The following STAM2 variants were observed in gnomAD, a reference collection of about 807,000 sequenced individuals.
STAM2 encodes signal transducing adaptor molecule 2.
In STAM2, 51 loss-of-function variants were observed where a neutral mutation model predicts 65.6. The ratio of observed to expected loss-of-function variants is 0.78; its 90% CI spans 0.62 to 0.98. STAM2 has a LOEUF of 0.98. STAM2 is among the 50% of genes least tolerant of loss of function. The probability of loss-of-function intolerance (pLI) is 0.00; values close to 1 mark genes in which losing one functional copy is unlikely to be tolerated. For missense variants in STAM2, 584 were observed against 617.8 expected (o/e 0.95, Z 0.58); for synonymous variants, 198 against 208.4 (o/e 0.95, Z 0.43).
At chr2:152,156,581 T>C (rs1322978456) in intron 1 of STAM2, among the ~76,000 whole-genome samples, 1 of 152,102 alleles carries the variant, frequency 6.6e-6, no homozygotes, top group Non-Finnish European at 1.5e-5. Context: ...TCACCAGGCT[T>C]TGATTACTGT....
At position 152,126,218 on chromosome 2, in the gene STAM2, A is replaced by G; in HGVS notation, c.1179+8T>C. The G allele has an allele frequency of 6.4e-7, 1 of 1,559,776 alleles. No individual in the cohort carries two copies. Among genetic ancestry groups the G allele is most frequent in the Non-Finnish European group, 8.6e-7 (1 of 1,157,892 alleles). On this transcript the variant is annotated splice_region_variant and intron_variant, in intron 12 of 13. Transcript: ENST00000263904. ...AATTTAGAAAATGTTCTCAAAAAACATGCTCACCTGCATTGGAACCCCAGA... is the reference window on the plus strand; with the variant it reads ...AATTTAGAAAATGTTCTCAAAAAACGTGCTCACCTGCATTGGAACCCCAGA...
At chr2:152,171,701 T>C (rs1689901427) in intron 1 of STAM2, among the ~76,000 whole-genome samples, 1 of 152,264 alleles carries the variant, frequency 6.6e-6, no homozygotes, top group Non-Finnish European at 1.5e-5. Context: ...TGTATTCTCT[T>C]AAAAGCTAAC....
At chr2:152,123,504 C>T (rs74936354) in intron 13 of STAM2, among the ~76,000 whole-genome samples, 3 of 152,130 alleles carry the variant, frequency 2.0e-5, no homozygotes, top group Non-Finnish European at 4.4e-5. Context: ...ACTTCACAGG[C>T]TGATTATAGC....
At chr2:152,167,691 C>T (rs973912812) in intron 1 of STAM2, among the ~76,000 whole-genome samples, 1 of 151,694 alleles carries the variant, frequency 6.6e-6, no homozygotes, top group African/African-American at 2.4e-5. Context: ...GGTCAGGAGT[C>T]CAAGACCAGC....
intron 1 of STAM2, among the ~76,000 whole-genome samples, chr2:152,169,317 C>A (rs1689857215): frequency 6.6e-6 from 1 of 152,134 alleles, no homozygotes; most frequent in Non-Finnish European, 1.5e-5. Context: ...GGCTCTGTCA[C>A]CCAGGCTGGA....
At chr2:152,150,552 C>CA (rs746118420) in intron 1 of STAM2, among the ~76,000 whole-genome samples, 8 of 152,194 alleles carry the variant, frequency 5.3e-5, no homozygotes, top group Admixed American at 1.3e-4. Context: ...CCTGTAATCC[C>CA]AGGCATGGGA....
At chr2:152,162,987 G>A (rs1689713012) in intron 1 of STAM2, among the ~76,000 whole-genome samples, 1 of 152,128 alleles carries the variant, frequency 6.6e-6, no homozygotes, top group Non-Finnish European at 1.5e-5. Flanking sequence ...ACTAGCACAA[G>A]GTTATACAGC....
At chr2:152,161,335 C>T (rs1456192647) in intron 1 of STAM2, among the ~76,000 whole-genome samples, 4 of 150,652 alleles carry the variant, frequency 2.7e-5, no homozygotes, top group African/African-American at 9.8e-5. Context: ...TCCCTAATCT[C>T]AAGTACCCAG....
rs1468280571 is a variant in STAM2 at position 152,120,511 on chromosome 2, T to C, written c.*63A>G. 8 of 1,403,000 alleles carry C rather than the reference T, an allele frequency of 5.7e-6. No individual in the cohort carries two copies. The highest frequency in any genetic ancestry group is 8.0e-6 in the Non-Finnish European group (8 of 1,002,290). The allele number at this position is 1,403,000 out of a possible 1,614,324, so 86.9% of individuals were successfully genotyped here. ...GGAAAAAAGTTTTAATATTTTCAGG[T>C]TGGTATCACAAGGACTGAATAATAC... On this transcript the variant is annotated 3_prime_UTR_variant, in exon 14 of 14. Transcript: ENST00000263904.
At chr2:152,142,037 C>T (rs370372370) in intron 7 of STAM2, among the ~76,000 whole-genome samples, 11 of 152,102 alleles carry the variant, frequency 7.2e-5, no homozygotes, top group Non-Finnish European at 1.2e-4. Flanking sequence ...TCCTTTTAAC[C>T]GAAGACTGTC....
In STAM2 at chr2:152,143,989, T is replaced by C. The variant is rs1157513370; in HGVS notation, c.542A>G (p.Gln181Arg). Residue 181 changes from glutamine to arginine, a missense_variant, in exon 7 of 14, where the codon CAG (glutamine) becomes CGG (arginine). Physicochemically the swap from Gln to Arg is conservative, Grantham distance 43 (BLOSUM62 1). Transcript: ENST00000263904. ...AKAIELSLQEQKQQHTETKSL... is the reference protein window; with the variant it reads ...AKAIELSLQERKQQHTETKSL... Reference sequence around the variant, plus strand: ...TTTTGTTTCTGTGTGTTGCTGTTTCTGTTCTTGCAGCGATAATTCAATAGC... The same window carrying C: ...TTTTGTTTCTGTGTGTTGCTGTTTCCGTTCTTGCAGCGATAATTCAATAGC... 2 of 1,612,128 alleles carry C rather than the reference T, an allele frequency of 1.2e-6. No individual in the cohort carries two copies. The highest frequency in any genetic ancestry group is 1.7e-6 in the Non-Finnish European group (2 of 1,179,592).
intron 7 of STAM2, among the ~76,000 whole-genome samples, chr2:152,139,585 AT>A (rs1459128529): frequency 1.3e-5 from 2 of 152,166 alleles, no homozygotes; most frequent in African/African-American, 4.8e-5. Context: ...AGAAAAAAAA[AT>A]CTAGCAGTGT....
chr2:152,162,152 T>G (rs1689690836), intron 1 of STAM2, among the ~76,000 whole-genome samples: 1 of 152,122 alleles, frequency 6.6e-6, no homozygotes, highest in Admixed American at 6.6e-5. Context: ...AATGAAAACC[T>G]ACTTACAGCT....
intron 13 of STAM2, among the ~76,000 whole-genome samples, chr2:152,121,872 G>A (rs950570057): frequency 1.5e-4 from 23 of 151,818 alleles, no homozygotes; most frequent in African/African-American, 4.8e-4. Context: ...GTGAAACTCC[G>A]TCTCTACTAC....
intron 7 of STAM2, among the ~76,000 whole-genome samples, chr2:152,141,575 ATGTTTTTT>A (rs905545416): frequency 6.6e-6 from 1 of 150,842 alleles, no homozygotes; most frequent in African/African-American, 2.4e-5. Flanking sequence ...TATCAGCTCA[ATGTTTTTT>A]TGTTTGTTTG....
At position 152,120,631 on chromosome 2, in the gene STAM2, A is replaced by C; in HGVS notation, c.1521T>G (p.Val507=). 1 of 1,614,132 alleles carries C rather than the reference A, an allele frequency of 6.2e-7. No individual in the cohort carries two copies. The highest frequency in any genetic ancestry group is 8.5e-7 in the Non-Finnish European group (1 of 1,180,010). ...GCTGCTGTGCAACTGGATGAGCTGG[A>C]ACTGTCACCGGAAAGCCTGCCAGTT... is the stretch of plus-strand genomic sequence containing the variant. The part of the protein sequence containing the change: ...LPQLAGFPVT[V]PAHPVAQQHT... Residue 507 remains valine (V), a synonymous_variant, in exon 14 of 14, where the codon GTT becomes GTG. Coordinates refer to ENST00000263904, the MANE Select transcript of STAM2 (RefSeq NM_005843.6).
chr2:152,136,358 G>A (rs891088246), intron 7 of STAM2, among the ~76,000 whole-genome samples: 121 of 152,042 alleles, frequency 8.0e-4, no homozygotes, highest in African/African-American at 2.8e-3. Flanking sequence ...CAGGAGAATC[G>A]CTTGAACCAA....
At chr2:152,169,381 A>G (rs1689858395) in intron 1 of STAM2, among the ~76,000 whole-genome samples, 1 of 152,040 alleles carries the variant, frequency 6.6e-6, no homozygotes, top group Non-Finnish European at 1.5e-5. Context: ...AGCTCAAGCC[A>G]TCCTCCCACC....
At chr2:152,167,198 T>G (rs1689803270) in intron 1 of STAM2, among the ~76,000 whole-genome samples, 1 of 152,208 alleles carries the variant, frequency 6.6e-6, no homozygotes, top group Non-Finnish European at 1.5e-5. Context: ...TTTTCAACAT[T>G]TCTTAACTGG....
Sources: gnomAD v4.1 joint callset for allele counts (sites outside exome capture counted in the v4.1 genomes callset) on GRCh38, gnomAD v4.1.1 for gene constraint, MANE v1.5 for transcripts, NCBI Gene and HGNC (gene_info 2026-07-23, HGNC 2026-07-21) for gene names.